Variants in GPR137B observed in about 807,000 individuals in gnomAD.
The protein encoded by GPR137B is integral membrane protein GPR137B.
A neutral mutation model predicts 42.5 loss-of-function variants in GPR137B; 42 were observed. The observed-to-expected ratio is 0.99, with a 90% CI of 0.77 to 1.28. The LOEUF is 1.28. GPR137B is among the 50% of genes most tolerant of loss of function. The pLI is 0.00. For synonymous variants in GPR137B, 218 were observed against 209.7 expected, an observed-to-expected ratio of 1.04 and a Z score of -0.34; for missense variants, 487 against 493.9, an observed-to-expected ratio of 0.99 and a Z score of 0.13.
rs1028138477 is a variant in GPR137B at position 236,150,800 on chromosome 1, G to A, written c.414+7764G>A. 3.9e-5 allele frequency among the ~76,000 whole-genome samples: 6 copies of A among 152,170 alleles called. No homozygotes were observed. The highest frequency in any genetic ancestry group is 4.4e-5 in the Non-Finnish European group (3 of 68,032). On this transcript the variant is annotated intron_variant, in intron 1 of 6. Transcript: ENST00000366592. The surrounding 1 kb of genome is among the most constrained non-coding windows in gnomAD (Gnocchi z 6.2). The stretch of plus-strand genomic sequence containing the variant: ...TAGTGACCAGCAGGGAGGCAGGGCC[G>A]GAGCACTGTCCTGAGGCTAGTGCAG...
At chr1:236,160,212 G>A (rs1037216800) in intron 1 of GPR137B, among the ~76,000 whole-genome samples, 1 of 152,060 alleles carries the variant, frequency 6.6e-6, no homozygotes, top group Admixed American at 6.5e-5. Context: ...CCCCTCCCCT[G>A]TCCTCCCATC....
intron 1 of GPR137B, among the ~76,000 whole-genome samples, chr1:236,161,134 T>C (rs1571970872): frequency 2.0e-5 from 3 of 152,212 alleles, no homozygotes; most frequent in Non-Finnish European, 2.9e-5. Flanking sequence ...GGGCCTCTGA[T>C]TTGCCTTCAT....
rs1663724728 is a variant in GPR137B at position 236,208,258 on chromosome 1, CTTGA to C, written c.*103_*106del. On this transcript the variant is annotated 3_prime_UTR_variant, in exon 7 of 7. Transcript: ENST00000366592. Reference sequence around the variant, plus strand: ...GGGCACTTTTCCTTAAGAAATAGAACTTGATTTTTATTTGTTACAGGTTTCCAAT... The same window carrying C: ...GGGCACTTTTCCTTAAGAAATAGAACTTTTTATTTGTTACAGGTTTCCAAT... 27 of 1,508,576 alleles carry C rather than the reference CTTGA, an allele frequency of 1.8e-5. No individual in the cohort carries two copies. The highest frequency in any genetic ancestry group is 1.7e-4 in the Middle Eastern group (1 of 5,774). 93.4% of individuals were successfully genotyped at this position (1,508,576 alleles called of 1,614,324 possible). A position where few individuals can be genotyped will look rare whatever the true frequency, so the allele number is the denominator to read the frequency against.
intron 1 of GPR137B, among the ~76,000 whole-genome samples, chr1:236,158,271 A>T (rs147056907): frequency 6.6e-6 from 1 of 152,296 alleles, no homozygotes; most frequent in African/African-American, 2.4e-5. Context: ...CTAAAAATAC[A>T]AAGATTTGCC....
At chr1:236,184,334 G>GGATA (rs1378208506) in intron 5 of GPR137B, among the ~76,000 whole-genome samples, 3 of 152,304 alleles carry the variant, frequency 2.0e-5, no homozygotes, top group South Asian at 4.1e-4. Context: ...GGGAATGGGA[G>GGATA]GATAGGGCAA....
intron 5 of GPR137B, among the ~76,000 whole-genome samples, chr1:236,192,282 G>T (rs1177633976): frequency 6.6e-6 from 1 of 152,032 alleles, no homozygotes; most frequent in Non-Finnish European, 1.5e-5. Flanking sequence ...GGGACCTACC[G>T]AGCCAGACTA....
At chr1:236,191,361 CTCTG>C (rs1006701606) in intron 5 of GPR137B, among the ~76,000 whole-genome samples, 1 of 152,166 alleles carries the variant, frequency 6.6e-6, no homozygotes, top group Non-Finnish European at 1.5e-5. Context: ...CAAACTCATT[CTCTG>C]TCCAGTTTTG....
At chr1:236,179,814 G>C in intron 3 of GPR137B, 65 bp from the exon 4 acceptor site, 2 of 1,225,286 alleles carry the variant, frequency 1.6e-6, no homozygotes, top group Non-Finnish European at 2.3e-6. Flanking sequence ...AGCAGGTGGG[G>C]GCTGGGGAAG....
chr1:236,143,116 G>C, intron 1 of GPR137B, 80 bp downstream of exon 1: 1 of 1,262,276 alleles, frequency 7.9e-7, no homozygotes, highest in Admixed American at 2.1e-5. Context: ...GGCGATGGCA[G>C]CCGCGGGGGC....
chr1:236,178,765 C>CCACA (rs1487983605), intron 3 of GPR137B, 129 bp downstream of exon 3: 5 of 371,102 alleles, frequency 1.3e-5, no homozygotes, highest in African/African-American at 8.7e-5. Flanking sequence ...TTATTGTCTC[C>CCACA]CACACAGGGG....
intron 5 of GPR137B, among the ~76,000 whole-genome samples, chr1:236,190,148 CTT>C (rs34520510): frequency 4.2e-5 from 5 of 119,392 alleles, no homozygotes; most frequent in Non-Finnish European, 8.8e-5. Context: ...CCTGCTTCTT[CTT>C]TTTTTTTTTT....
chr1:236,176,781 G>A (rs1662700532), intron 2 of GPR137B, among the ~76,000 whole-genome samples: 1 of 152,052 alleles, frequency 6.6e-6, no homozygotes, highest in South Asian at 2.1e-4. Flanking sequence ...CTTCTTCGTG[G>A]AGACCCTGCC....
In GPR137B at chr1:236,171,042, A is replaced by G. The variant is rs1401735595; in HGVS notation, c.464+2287A>G. On this transcript the variant is annotated intron_variant, in intron 2 of 6. Coordinates refer to ENST00000366592, the MANE Select transcript of GPR137B (RefSeq NM_003272.4). The surrounding 1 kb of genome is among the most constrained non-coding windows in gnomAD (Gnocchi z 4.4). ...GAGAGATGGGGGGATTGGATGGGAC[A>G]CAAATCTAACACGAAATGTATTTAT... 6.6e-6 allele frequency among the ~76,000 whole-genome samples: 1 copy of G among 152,150 alleles called. No individual in the cohort carries two copies. The highest frequency in any genetic ancestry group is 1.9e-4 in the East Asian group (1 of 5,198).
At chr1:236,157,226 CTTT>C (rs35627938) in intron 1 of GPR137B, among the ~76,000 whole-genome samples, 6 of 139,054 alleles carry the variant, frequency 4.3e-5, no homozygotes, top group South Asian at 4.6e-4. Flanking sequence ...AGATTCCACA[CTTT>C]TTTTTTTTTT....
intron 5 of GPR137B, among the ~76,000 whole-genome samples, chr1:236,191,541 T>A (rs1402870932): frequency 6.6e-6 from 1 of 152,220 alleles, no homozygotes; most frequent in Non-Finnish European, 1.5e-5. Flanking sequence ...GGACATGCTC[T>A]TCCTTTCTGT....
intron 5 of GPR137B, among the ~76,000 whole-genome samples, chr1:236,204,603 G>A (rs898669204): frequency 2.0e-5 from 3 of 152,016 alleles, no homozygotes; most frequent in Non-Finnish European, 4.4e-5. Flanking sequence ...AACAGTGAAA[G>A]TCTTTAGAAA....
intron 1 of GPR137B, among the ~76,000 whole-genome samples, chr1:236,149,972 C>CTG (rs373046617): frequency 0.011 from 1,708 of 148,700 alleles, 32 homozygotes; most frequent in African/African-American, 0.04. Flanking sequence ...CTGTGTGCAC[C>CTG]TGTGTGTGTG....
intron 2 of GPR137B, among the ~76,000 whole-genome samples, chr1:236,177,192 TG>T (rs1316909889): frequency 6.6e-6 from 1 of 151,986 alleles, no homozygotes; most frequent in African/African-American, 2.4e-5. Context: ...CCTGAGTAAG[TG>T]GGGGGTTGTT....
chr1:236,160,567 C>T (rs1477493106), intron 1 of GPR137B, among the ~76,000 whole-genome samples: 1 of 152,196 alleles, frequency 6.6e-6, no homozygotes, highest in Non-Finnish European at 1.5e-5. Flanking sequence ...GCTCAGGTCT[C>T]CCCATCTTAA....
Sources: gnomAD v4.1 joint callset for allele counts (sites outside exome capture counted in the v4.1 genomes callset) on GRCh38, gnomAD v4.1.1 for gene constraint, Gnocchi (gnomAD v3.1) non-coding constraint, MANE v1.5 for transcripts, NCBI Gene and HGNC (gene_info 2026-07-23, HGNC 2026-07-21) for gene names.